CFAP20DC: variants seen among roughly 807,000 people sequenced by gnomAD.
The protein encoded by CFAP20DC is CFAP20 domain containing, also known as protein CFAP20DC.
In CFAP20DC, 84 loss-of-function variants were observed where a neutral mutation model predicts 101.7. The observed-to-expected ratio is 0.83, with a 90% CI of 0.69 to 0.99. CFAP20DC has a LOEUF of 0.99. Ranked by LOEUF, CFAP20DC falls within the 50% of genes least tolerant of loss-of-function variation. The pLI, the probability that CFAP20DC is intolerant of heterozygous loss-of-function variation, is 0.00. For synonymous variants in CFAP20DC, 359 were observed against 351.2 expected (o/e 1.02, Z -0.25); for missense variants, 1,007 against 970.3 (o/e 1.04, Z -0.50).
chr3:58,730,097 T>C (rs1262689078), intron 3 of CFAP20DC, among the ~76,000 whole-genome samples: 2 of 152,014 alleles, frequency 1.3e-5, no homozygotes, highest in Non-Finnish European at 2.9e-5. Flanking sequence ...TGTCATTTTG[T>C]CATTTTAAGG....
rs566948821 is a variant in CFAP20DC at position 59,002,732 on chromosome 3, C to A, written c.278+36825G>T. On this transcript the variant is annotated intron_variant, in intron 4 of 16. Coordinates refer to ENST00000482387, the MANE Select transcript of CFAP20DC (RefSeq NM_001394063.1). The surrounding 1 kb of genome is among the most constrained non-coding windows in gnomAD (Gnocchi z 4.5). ...GTTCTATTTTTCTTCAACTTTCTTC[C>A]TCACTCAAAGAGATGTTATTTTAAG... Among the ~76,000 whole-genome samples the A allele has an allele frequency of 6.6e-6, 1 of 152,258 alleles. No homozygotes were observed. Among genetic ancestry groups the A allele is most frequent in the South Asian group, 2.1e-4 (1 of 4,826 alleles).
chr3:58,898,862 G>T (rs2082894379), intron 6 of CFAP20DC, among the ~76,000 whole-genome samples: 1 of 149,898 alleles, frequency 6.7e-6, no homozygotes, highest in African/African-American at 2.4e-5. Flanking sequence ...TTTGAGTTGG[G>T]TTTTTGTGGG....
At chr3:59,040,830 T>G (rs1253709422) in intron 3 of CFAP20DC, among the ~76,000 whole-genome samples, 4 of 152,008 alleles carry the variant, frequency 2.6e-5, no homozygotes, top group Non-Finnish European at 5.9e-5. Flanking sequence ...GCATAACATT[T>G]TTATCAAACA....
intron 14 of CFAP20DC, among the ~76,000 whole-genome samples, chr3:58,814,055 G>A (rs1007564881): frequency 1.3e-5 from 2 of 151,802 alleles, no homozygotes; most frequent in Non-Finnish European, 2.9e-5. Context: ...CAAATTCATT[G>A]GTATTCGTCC....
At chr3:58,915,458 C>A (rs568719382) in intron 5 of CFAP20DC, among the ~76,000 whole-genome samples, 1 of 152,226 alleles carries the variant, frequency 6.6e-6, no homozygotes, top group Admixed American at 6.5e-5. Context: ...GACTTCTTAT[C>A]ATGCCCCAAT....
rs1417162036 is a variant in CFAP20DC at position 58,753,850 on chromosome 3, T to A, written c.2251A>T (p.Met751Leu). ...GGAGGAACGATTGGTGGGCTCAACA[T>A]ATTTAACCAGTCCCTAAAAAGAAAA... Reference protein sequence around the residue: ...SPSNPRDWLNMLSPPIVPPSQ... With the variant: ...SPSNPRDWLNLLSPPIVPPSQ... The change falls in exon 16 of 17, where the codon ATG (methionine) becomes TTG (leucine). Residue 751 changes from methionine (M) to leucine (L), a missense_variant. Transcript: ENST00000482387. 1 of 1,609,878 alleles carries A rather than the reference T, an allele frequency of 6.2e-7. No individual in the cohort carries two copies. The highest frequency in any genetic ancestry group is 2.2e-5 in the East Asian group (1 of 44,816).
intron 4 of CFAP20DC, among the ~76,000 whole-genome samples, chr3:58,993,632 G>A (rs931511711): frequency 2.6e-5 from 4 of 151,886 alleles, no homozygotes; most frequent in African/African-American, 7.3e-5. Context: ...TTCCTTCCAC[G>A]CATCCATGTG....
chr3:59,049,621 T>A lies in CFAP20DC; in HGVS notation c.11A>T (p.Asn4Ile), dbSNP rs1700153904. Residue 4 changes from asparagine to isoleucine, a missense_variant, in exon 1 of 17, where the codon AAT (asparagine) becomes ATT (isoleucine). Asn to Ile is a moderately radical substitution (Grantham distance 149). Coordinates refer to ENST00000482387, the MANE Select transcript of CFAP20DC (RefSeq NM_001394063.1). MFK[N>I]EYQGGAFVEI... Reference sequence around the variant, plus strand: ...ACCGTTTCGGGTTACCTGGTACTCATTTTTGAACATTCCCGCAGGGGGCCC... The same window carrying A: ...ACCGTTTCGGGTTACCTGGTACTCAATTTTGAACATTCCCGCAGGGGGCCC... 2.6e-6 allele frequency: 4 copies of A among 1,535,972 alleles called. No homozygotes were observed. In the African/African-American group the frequency reaches 5.5e-5, roughly 21 times the overall value.
chr3:59,047,882 G>T (rs1305969838), intron 1 of CFAP20DC, among the ~76,000 whole-genome samples: 2 of 152,144 alleles, frequency 1.3e-5, no homozygotes, highest in African/African-American at 4.8e-5. Flanking sequence ...AAATTAAACA[G>T]TTTAGTACTG....
chr3:58,960,704 A>G (rs2108220477), intron 4 of CFAP20DC, among the ~76,000 whole-genome samples: 1 of 152,260 alleles, frequency 6.6e-6, no homozygotes, highest in East Asian at 1.9e-4. Context: ...TTTCCTATGG[A>G]CACATGTTTA....
In CFAP20DC at chr3:58,897,002, T is replaced by C. The variant is rs114678544; in HGVS notation, c.551-12293A>G. On this transcript the variant is annotated intron_variant, in intron 6 of 16. Coordinates refer to ENST00000482387, the MANE Select transcript of CFAP20DC (RefSeq NM_001394063.1). The surrounding 1 kb of genome is among the most constrained non-coding windows in gnomAD (Gnocchi z 4.4). ...AGCAGGGTGTTAAAGTCTCCCATTA[T>C]TATTGTATGGGAGTCTAAGTCTCTT... 0.038 allele frequency among the ~76,000 whole-genome samples: 5,743 copies of C among 152,290 alleles called. 147 individuals are homozygous for C. Among genetic ancestry groups the C allele is most frequent in the Non-Finnish European group, 0.055 (3,710 of 68,014 alleles).
chr3:58,855,935 T>C (rs2078756460), intron 12 of CFAP20DC, among the ~76,000 whole-genome samples: 1 of 150,526 alleles, frequency 6.6e-6, no homozygotes, highest in South Asian at 2.1e-4. Context: ...TGTATACATA[T>C]GTAACTAACC....
chr3:58,903,798 G>A (rs1476107766), intron 6 of CFAP20DC, among the ~76,000 whole-genome samples: 1 of 152,136 alleles, frequency 6.6e-6, no homozygotes, highest in Admixed American at 6.5e-5. Context: ...ATGAGATTTG[G>A]GTGGGGACAC....
intron 15 of CFAP20DC, among the ~76,000 whole-genome samples, chr3:58,754,849 A>C (rs1419572344): frequency 1.3e-5 from 2 of 152,170 alleles, no homozygotes; most frequent in Non-Finnish European, 2.9e-5. Context: ...TGTGAAAAGG[A>C]GATAATAACA....
intron 6 of CFAP20DC, among the ~76,000 whole-genome samples, chr3:58,907,140 A>T (rs887495475): frequency 6.6e-6 from 1 of 151,110 alleles, no homozygotes; most frequent in Non-Finnish European, 1.5e-5. Flanking sequence ...TGTCTGTGTA[A>T]ATGTCCTTTC....
chr3:59,023,276 G>C (rs1228577588), intron 4 of CFAP20DC, among the ~76,000 whole-genome samples: 2 of 151,824 alleles, frequency 1.3e-5, no homozygotes, highest in Non-Finnish European at 2.9e-5. Flanking sequence ...ACCATGCACA[G>C]AGAATTCTTC....
chr3:58,931,939 G>A (rs2086761245), intron 5 of CFAP20DC, among the ~76,000 whole-genome samples: 1 of 152,234 alleles, frequency 6.6e-6, no homozygotes, highest in East Asian at 1.9e-4. Context: ...ACTTTGACGA[G>A]TTGAGGAAGA....
Position 58,897,196 on chromosome 3 carries a change from T to C in CFAP20DC, c.551-12487A>G, listed in dbSNP as rs1297755666. ...AAAGTCTATTTGTCAGAAACTAGGA[T>C]TGCAACCCCTGCTTTTTTCTGTTTT... On this transcript the variant is annotated intron_variant, in intron 6 of 16. Transcript: ENST00000482387. This position sits in a 1 kb window ranked among gnomAD's most constrained non-coding sequence, Gnocchi z 4.4. Among the ~76,000 whole-genome samples, 1 of 152,236 alleles carries C rather than the reference T, an allele frequency of 6.6e-6. No individual in the cohort carries two copies. The highest frequency in any genetic ancestry group is 1.5e-5 in the Non-Finnish European group (1 of 68,040).
In CFAP20DC at chr3:58,742,352, T is replaced by C; in HGVS notation, c.*108A>G. Reference sequence around the variant, plus strand: ...ATGAATTCGTTTCTCTCAGTTACTGTTGATTTTGTGGTCACCCAACACATA... The same window carrying C: ...ATGAATTCGTTTCTCTCAGTTACTGCTGATTTTGTGGTCACCCAACACATA... On this transcript the variant is annotated 3_prime_UTR_variant, in exon 17 of 17. Transcript: ENST00000482387. 7.7e-7 allele frequency: 1 copy of C among 1,304,460 alleles called. No homozygotes were observed. The highest frequency in any genetic ancestry group is 9.8e-7 in the Non-Finnish European group (1 of 1,017,128). 80.8% of individuals were successfully genotyped at this position (1,304,460 alleles called of 1,614,324 possible). A position where few individuals can be genotyped will look rare whatever the true frequency, so the allele number is the denominator to read the frequency against.
Sources: allele counts gnomAD v4.1 joint callset (sites outside exome capture counted in the v4.1 genomes callset), GRCh38; gene constraint gnomAD v4.1.1; non-coding constraint Gnocchi (gnomAD v3.1); transcripts MANE v1.5; gene names NCBI Gene and HGNC (gene_info 2026-07-23, HGNC 2026-07-21).